The following CNTN5 variants were observed in gnomAD, a reference collection of about 807,000 sequenced individuals.
CNTN5 encodes the protein contactin-5.
A neutral mutation model predicts 129.1 loss-of-function variants in CNTN5; 77 were observed. The ratio of observed to expected loss-of-function variants is 0.60; its 90% CI spans 0.50 to 0.72. The LOEUF (loss-of-function observed/expected upper bound fraction) is 0.72. Among genes scored for constraint, CNTN5 ranks in the 30% least tolerant of loss-of-function variants. The probability of loss-of-function intolerance (pLI) is 0.00; values close to 1 mark genes in which losing one functional copy is unlikely to be tolerated. For missense variants in CNTN5, 1,478 were observed against 1,328.8 expected (o/e 1.11, Z -1.75); for synonymous variants, 509 against 465.6 (o/e 1.09, Z -1.20).
intron 3 of CNTN5, among the ~76,000 whole-genome samples, chr11:99,674,313 T>C (rs1953178228): frequency 6.6e-6 from 1 of 151,698 alleles, no homozygotes. Context: ...TTTTTTTTCT[T>C]GTAAACATGT....
intron 3 of CNTN5, among the ~76,000 whole-genome samples, chr11:99,756,006 C>T (rs1944393337): frequency 6.6e-6 from 1 of 152,034 alleles, no homozygotes; most frequent in Non-Finnish European, 1.5e-5. Flanking sequence ...TTAATTATTA[C>T]TATATCCTTG....
intron 2 of CNTN5, among the ~76,000 whole-genome samples, chr11:99,326,323 T>G (rs1865786413): frequency 6.6e-6 from 1 of 152,200 alleles, no homozygotes. Context: ...TTCTGCTTAT[T>G]TATAAAATGT....
At chr11:99,209,563 C>A (rs1207325061) in intron 1 of CNTN5, among the ~76,000 whole-genome samples, 2 of 152,138 alleles carry the variant, frequency 1.3e-5, no homozygotes, top group African/African-American at 4.8e-5. Flanking sequence ...GATCCAGTAC[C>A]TTCCACTAGG....
At chr11:99,968,656 C>CTCTTTTTTTTTTTTTTTTTTTTTTTTTTT in intron 8 of CNTN5, among the ~76,000 whole-genome samples, 1 of 73,870 alleles carries the variant, frequency 1.4e-5, no homozygotes, top group Non-Finnish European at 2.5e-5. Flanking sequence ...GCTTTGGGTA[C>CTCTTTTTTTTTTTTTTTTTTTTTTTTTTT]TTTTTTTTTT....
intron 15 of CNTN5, among the ~76,000 whole-genome samples, chr11:100,216,491 C>T (rs1949141100): frequency 1.3e-5 from 2 of 151,906 alleles, no homozygotes; most frequent in African/African-American, 4.8e-5. Context: ...AATTCTTTTT[C>T]CACTAAAGCT....
intron 17 of CNTN5, among the ~76,000 whole-genome samples, chr11:100,256,426 A>C (rs918853723): frequency 6.6e-6 from 1 of 152,204 alleles, no homozygotes; most frequent in African/African-American, 2.4e-5. Context: ...GATATAGATC[A>C]GTTTCATTAG....
chr11:99,839,052 A>G (rs1947394188), intron 4 of CNTN5, among the ~76,000 whole-genome samples: 1 of 152,128 alleles, frequency 6.6e-6, no homozygotes, highest in Non-Finnish European at 1.5e-5. Context: ...TCACAAGTTA[A>G]TTGGTCTAAA....
chr11:99,362,455 C>T (rs1159383548), intron 2 of CNTN5, among the ~76,000 whole-genome samples: 1 of 151,736 alleles, frequency 6.6e-6, no homozygotes, highest in African/African-American at 2.4e-5. Context: ...TTAATGGTAT[C>T]CTTTGATGCA....
intron 16 of CNTN5, among the ~76,000 whole-genome samples, chr11:100,236,024 G>A (rs941214467): frequency 6.6e-5 from 10 of 152,196 alleles, no homozygotes; most frequent in African/African-American, 2.4e-4. Flanking sequence ...GAGGAGCCCT[G>A]AGAAGCTGGA....
At chr11:99,557,481 A>T (rs963933432) in intron 3 of CNTN5, among the ~76,000 whole-genome samples, 7 of 151,450 alleles carry the variant, frequency 4.6e-5, no homozygotes, top group Non-Finnish European at 1.0e-4. Flanking sequence ...TTCTCCTGTC[A>T]ATTAAGTCTT....
intron 1 of CNTN5, among the ~76,000 whole-genome samples, chr11:99,134,186 A>T (rs7110495): frequency 0.91 from 138,046 of 152,002 alleles, 62,931 homozygotes; most frequent in East Asian, 0.99. Flanking sequence ...CTCACTTCTA[A>T]GTGGGAGCTG....
At chr11:99,394,577 G>GT (rs1804427810) in intron 2 of CNTN5, among the ~76,000 whole-genome samples, 1 of 151,526 alleles carries the variant, frequency 6.6e-6, no homozygotes. Context: ...GGGGGTATAA[G>GT]TGCAGGTTTG....
chr11:99,820,325 C>A (rs1457086919), intron 4 of CNTN5, among the ~76,000 whole-genome samples: 1 of 152,282 alleles, frequency 6.6e-6, no homozygotes, highest in East Asian at 1.9e-4. Flanking sequence ...CAGACCTATC[C>A]TTCAATCCAG....
chr11:99,415,127 G>C (rs1001945036), intron 2 of CNTN5, among the ~76,000 whole-genome samples: 1 of 152,040 alleles, frequency 6.6e-6, no homozygotes. Flanking sequence ...CCATCATAAG[G>C]GTCGTGGTGA....
At chr11:99,582,091 A>G (rs372927528) in intron 3 of CNTN5, among the ~76,000 whole-genome samples, 9 of 152,014 alleles carry the variant, frequency 5.9e-5, no homozygotes, top group East Asian at 5.8e-4. Context: ...ATGAAGCTTA[A>G]TTTGGCTGGA....
intron 2 of CNTN5, among the ~76,000 whole-genome samples, chr11:99,456,032 G>A (rs1027038872): frequency 2.0e-4 from 31 of 152,212 alleles, no homozygotes; most frequent in Admixed American, 1.6e-3. Context: ...TCAATTTAAG[G>A]CAGAAAGTCA....
Position 100,340,488 on chromosome 11 carries a change from A to T in CNTN5, c.2756A>T (p.Gln919Leu). 1 of 1,611,882 alleles carries T rather than the reference A, an allele frequency of 6.2e-7. No homozygotes were observed. The highest frequency in any genetic ancestry group is 8.5e-7 in the Non-Finnish European group (1 of 1,178,924). Reference protein sequence around the residue: ...FEVGYWKDMEQEDTAETVKTR... With the variant: ...FEVGYWKDMELEDTAETVKTR... ...GTTGGTTACTGGAAAGACATGGAAC[A>T]GGAAGATACAGCAGAAACAGTCAAA... The change falls in exon 22 of 25, where the codon CAG (glutamine) becomes CTG (leucine). Residue 919 changes from glutamine to leucine, a missense_variant. By Grantham distance (113) the Gln-to-Leu change is moderately radical. Transcript: ENST00000524871.
At chr11:100,090,356 A>G (rs983637805) in intron 13 of CNTN5, among the ~76,000 whole-genome samples, 2 of 152,028 alleles carry the variant, frequency 1.3e-5, no homozygotes, top group Non-Finnish European at 2.9e-5. Context: ...TAAAAACAGC[A>G]GTGAAACCTG....
rs960467011 is a variant in CNTN5, at chr11:99,493,349, A to G, written c.-70-62796A>G. Among the ~76,000 whole-genome samples the G allele has an allele frequency of 2.3e-4, 35 of 152,354 alleles. 1 individual carries two copies. Among genetic ancestry groups the G allele is most frequent in the African/African-American group, 6.3e-4 (26 of 41,598 alleles). On this transcript the variant is annotated intron_variant, in intron 2 of 24. Coordinates refer to ENST00000524871, the MANE Select transcript of CNTN5 (RefSeq NM_014361.4). ...CTTAGTAAATGCTAAAGCAGTGTATAAAGTACTTTTATTTGGGCTCATTTC... is the reference window on the plus strand; with the variant it reads ...CTTAGTAAATGCTAAAGCAGTGTATGAAGTACTTTTATTTGGGCTCATTTC...
Sources: allele counts gnomAD v4.1 joint callset (sites outside exome capture counted in the v4.1 genomes callset), GRCh38; gene constraint gnomAD v4.1.1; transcripts MANE v1.5; gene names NCBI Gene and HGNC (gene_info 2026-07-23, HGNC 2026-07-21).